The following UNC5C variants were observed in gnomAD, a reference collection of about 807,000 sequenced individuals.
UNC5C encodes netrin receptor UNC5C.
A neutral mutation model predicts 99.8 loss-of-function variants in UNC5C; 47 were observed. That is an observed-to-expected ratio of 0.47 (90% confidence interval 0.37 to 0.60). The LOEUF (loss-of-function observed/expected upper bound fraction) is 0.60. Among genes scored for constraint, UNC5C ranks in the 20% least tolerant of loss-of-function variants. The pLI is 0.00. For synonymous variants in UNC5C, 487 were observed against 452.2 expected (o/e 1.08, Z -0.98); for missense variants, 1,062 against 1,165.9 (o/e 0.91, Z 1.30).
At position 95,365,092 on chromosome 4, in the gene UNC5C, C is replaced by G. The variant is rs1046267876; in HGVS notation, c.125-29461G>C. Among the ~76,000 whole-genome samples, 4 of 151,056 alleles carry G rather than the reference C, an allele frequency of 2.6e-5. No homozygotes were observed. The South Asian group carries it at 6.2e-4, about 24-fold the overall frequency. ...GGCGGATCACCTGAGGTCAAGAGTT[C>G]GAGACTACCCTGGCCAACATGGTGA... On this transcript the variant is annotated intron_variant, in intron 1 of 15. Transcript: ENST00000453304.
At chr4:95,215,177 T>G (rs1447384112) in intron 10 of UNC5C, among the ~76,000 whole-genome samples, 2 of 152,178 alleles carry the variant, frequency 1.3e-5, no homozygotes, top group Non-Finnish European at 2.9e-5. Context: ...GGATGAGAGC[T>G]GGGAAAAGAA....
chr4:95,508,589 C>G (rs1355114068), intron 1 of UNC5C, among the ~76,000 whole-genome samples: 2 of 151,670 alleles, frequency 1.3e-5, no homozygotes, highest in Non-Finnish European at 2.9e-5. Context: ...TCATTATGTC[C>G]CTCTTTCTTT....
chr4:95,415,139 A>G (rs1427009809), intron 1 of UNC5C, among the ~76,000 whole-genome samples: 1 of 152,188 alleles, frequency 6.6e-6, no homozygotes. Context: ...AGGGATCACC[A>G]GAAGCATGCA....
At chr4:95,248,811 A>G (rs1739592099) in intron 5 of UNC5C, among the ~76,000 whole-genome samples, 1 of 152,132 alleles carries the variant, frequency 6.6e-6, no homozygotes, top group African/African-American at 2.4e-5. Flanking sequence ...TTGTTGTAAC[A>G]TTGTGGTGTA....
At chr4:95,353,618 A>G (rs1053267080) in intron 1 of UNC5C, among the ~76,000 whole-genome samples, 1 of 151,946 alleles carries the variant, frequency 6.6e-6, no homozygotes, top group African/African-American at 2.4e-5. Flanking sequence ...TAACATCACC[A>G]AACTGAAAAC....
chr4:95,478,193 C>T (rs1284323658), intron 1 of UNC5C, among the ~76,000 whole-genome samples: 1 of 151,924 alleles, frequency 6.6e-6, no homozygotes, highest in Non-Finnish European at 1.5e-5. Context: ...CAAGCTCCTA[C>T]CACCACCCTA....
intron 4 of UNC5C, among the ~76,000 whole-genome samples, chr4:95,271,963 C>G (rs747311285): frequency 5.3e-5 from 8 of 152,150 alleles, no homozygotes; most frequent in Non-Finnish European, 8.8e-5. Flanking sequence ...GGTACTTGTC[C>G]TTGTTGCTCC....
At chr4:95,246,037 C>A (rs1049410639) in intron 5 of UNC5C, among the ~76,000 whole-genome samples, 2 of 152,134 alleles carry the variant, frequency 1.3e-5, no homozygotes, top group Admixed American at 6.5e-5. Context: ...ATGTGCACAG[C>A]ATTTGCCCAA....
intron 1 of UNC5C, among the ~76,000 whole-genome samples, chr4:95,368,079 G>A (rs1039517576): frequency 4.6e-5 from 7 of 152,124 alleles, no homozygotes; most frequent in African/African-American, 1.4e-4. Context: ...CAGCCTGTTA[G>A]CATAGCGTAT....
At chr4:95,223,376 G>C (rs1312829225) in intron 7 of UNC5C, among the ~76,000 whole-genome samples, 1 of 152,106 alleles carries the variant, frequency 6.6e-6, no homozygotes, top group Non-Finnish European at 1.5e-5. Flanking sequence ...AGGAAAACAA[G>C]TTTCACAATT....
At chr4:95,403,696 C>T (rs1445956655) in intron 1 of UNC5C, among the ~76,000 whole-genome samples, 3 of 152,202 alleles carry the variant, frequency 2.0e-5, no homozygotes, top group African/African-American at 7.2e-5. Context: ...CTGGCTTACT[C>T]ATCCACTGCA....
At chr4:95,502,329 T>G (rs1207275057) in intron 1 of UNC5C, among the ~76,000 whole-genome samples, 4 of 152,152 alleles carry the variant, frequency 2.6e-5, no homozygotes, top group Non-Finnish European at 4.4e-5. Context: ...CCTGCAGTAG[T>G]GCAATCATAG....
At chr4:95,466,301 C>T (rs1019627347) in intron 1 of UNC5C, among the ~76,000 whole-genome samples, 4 of 152,036 alleles carry the variant, frequency 2.6e-5, no homozygotes, top group South Asian at 2.1e-4. Context: ...AAATCCTGGC[C>T]GTTGCGGAGC....
chr4:95,275,447 T>C (rs1740826979), intron 4 of UNC5C, among the ~76,000 whole-genome samples: 1 of 152,206 alleles, frequency 6.6e-6, no homozygotes, highest in Non-Finnish European at 1.5e-5. Flanking sequence ...GCAAAGACAC[T>C]ATTATTATCT....
At chr4:95,402,800 A>G (rs1232018682) in intron 1 of UNC5C, among the ~76,000 whole-genome samples, 2 of 152,180 alleles carry the variant, frequency 1.3e-5, no homozygotes, top group Non-Finnish European at 2.9e-5. Flanking sequence ...TCTATTTTAA[A>G]TCCTAGTTCC....
At chr4:95,389,024 C>T (rs1429842756) in intron 1 of UNC5C, among the ~76,000 whole-genome samples, 1 of 152,092 alleles carries the variant, frequency 6.6e-6, no homozygotes, top group Non-Finnish European at 1.5e-5. Context: ...ACAGGAAATG[C>T]TGCAAAAAGC....
At chr4:95,293,295 CTT>C (rs1175837199) in intron 3 of UNC5C, among the ~76,000 whole-genome samples, 71 of 56,886 alleles carry the variant, frequency 1.2e-3, no homozygotes, top group African/African-American at 4.9e-3. Flanking sequence ...TAATAGTGAG[CTT>C]TTTTTTTTTT....
chr4:95,285,543 A>G (rs1741201319), intron 3 of UNC5C, among the ~76,000 whole-genome samples: 1 of 152,154 alleles, frequency 6.6e-6, no homozygotes, highest in African/African-American at 2.4e-5. Flanking sequence ...CATCTGCATA[A>G]ATTTTGTACA....
At chr4:95,201,789 A>G (rs577776445) in intron 12 of UNC5C, among the ~76,000 whole-genome samples, 8 of 152,142 alleles carry the variant, frequency 5.3e-5, no homozygotes, top group Non-Finnish European at 8.8e-5. Flanking sequence ...TATTTTTAGT[A>G]GAGACGGGGT....
Sources: gnomAD v4.1 joint callset for allele counts (sites outside exome capture counted in the v4.1 genomes callset) on GRCh38, gnomAD v4.1.1 for gene constraint, MANE v1.5 for transcripts, NCBI Gene and HGNC (gene_info 2026-07-23, HGNC 2026-07-21) for gene names.